The following SLC9C2 variants were observed in gnomAD, a reference collection of about 807,000 sequenced individuals.
SLC9C2 encodes the protein sodium/hydrogen exchanger 11.
In SLC9C2, 75 loss-of-function variants were observed where a neutral mutation model predicts 140.2. The observed-to-expected ratio is 0.53, with a 90% CI of 0.44 to 0.65. The LOEUF (loss-of-function observed/expected upper bound fraction) is 0.65. Among genes scored for constraint, SLC9C2 ranks in the 30% least tolerant of loss-of-function variants. The pLI, the probability that SLC9C2 is intolerant of heterozygous loss-of-function variation, is 0.00. For missense variants in SLC9C2, 1,074 were observed against 1,331.8 expected (o/e 0.81, Z 3.01); for synonymous variants, 375 against 420.9 (o/e 0.89, Z 1.34).
At chr1:173,517,270 C>G (rs1204880112) in intron 23 of SLC9C2, among the ~76,000 whole-genome samples, 1 of 152,164 alleles carries the variant, frequency 6.6e-6, no homozygotes, top group Admixed American at 6.6e-5. Flanking sequence ...TCCTAATCCT[C>G]ATAACATCAA....
At chr1:173,545,226 C>T (rs1037275531) in intron 13 of SLC9C2, among the ~76,000 whole-genome samples, 3 of 152,080 alleles carry the variant, frequency 2.0e-5, no homozygotes, top group Admixed American at 6.5e-5. Context: ...TGAAGTGGGG[C>T]GGACTAAACC....
chr1:173,592,755 C>G (rs778489464), intron 4 of SLC9C2, among the ~76,000 whole-genome samples: 1 of 152,110 alleles, frequency 6.6e-6, no homozygotes, highest in Non-Finnish European at 1.5e-5. Flanking sequence ...AGATTTGGGG[C>G]TGAGATTATG....
At chr1:173,599,758 C>T (rs1323532820) in intron 3 of SLC9C2, among the ~76,000 whole-genome samples, 2 of 152,038 alleles carry the variant, frequency 1.3e-5, no homozygotes, top group Non-Finnish European at 2.9e-5. Flanking sequence ...CATGGGCCAC[C>T]CCTCCTAGCT....
chr1:173,567,616 C>T (rs1664560643), intron 9 of SLC9C2, among the ~76,000 whole-genome samples: 2 of 151,958 alleles, frequency 1.3e-5, no homozygotes, highest in African/African-American at 4.8e-5. Context: ...TTAATTCATC[C>T]ACTCTGTCTT....
At chr1:173,511,789 T>C (rs1250770290) in intron 23 of SLC9C2, among the ~76,000 whole-genome samples, 1 of 152,216 alleles carries the variant, frequency 6.6e-6, no homozygotes, top group African/African-American at 2.4e-5. Flanking sequence ...TTTTGGGTTT[T>C]ACATGTAAGT....
At chr1:173,591,311 A>G (rs1211279100) in intron 4 of SLC9C2, among the ~76,000 whole-genome samples, 1 of 152,108 alleles carries the variant, frequency 6.6e-6, no homozygotes, top group Admixed American at 6.6e-5. Flanking sequence ...TATCTTTGCT[A>G]TTGTGACTAG....
chr1:173,559,794 G>A (rs1489034369), intron 9 of SLC9C2, among the ~76,000 whole-genome samples: 2 of 152,178 alleles, frequency 1.3e-5, no homozygotes, highest in African/African-American at 4.8e-5. Flanking sequence ...AGTAGCCTTA[G>A]GCCCATGTCA....
chr1:173,543,378 T>C (rs1348000628), intron 13 of SLC9C2, among the ~76,000 whole-genome samples: 1 of 152,196 alleles, frequency 6.6e-6, no homozygotes, highest in Non-Finnish European at 1.5e-5. Flanking sequence ...TGGAAGAACA[T>C]TTCATGCTCA....
chr1:173,524,393 T>C (rs1320388713), intron 20 of SLC9C2, among the ~76,000 whole-genome samples: 2 of 152,194 alleles, frequency 1.3e-5, no homozygotes, highest in Non-Finnish European at 2.9e-5. Context: ...CAAAGGAAGA[T>C]GCCATAGAGG....
intron 23 of SLC9C2, among the ~76,000 whole-genome samples, chr1:173,513,793 G>A (rs1459024294): frequency 1.3e-5 from 2 of 149,332 alleles, no homozygotes; most frequent in African/African-American, 2.5e-5. Flanking sequence ...GGCATTTAGT[G>A]CTATAAATTT....
intron 24 of SLC9C2, 110 bp downstream of exon 24, chr1:173,509,458 A>T: frequency 9.0e-7 from 1 of 1,108,280 alleles, no homozygotes; most frequent in Non-Finnish European, 1.2e-6. Flanking sequence ...AAAAAAAAAA[A>T]TCAAACACAA....
At chr1:173,536,711 C>T (rs1275620123) in intron 14 of SLC9C2, among the ~76,000 whole-genome samples, 1 of 152,132 alleles carries the variant, frequency 6.6e-6, no homozygotes, top group Non-Finnish European at 1.5e-5. Context: ...CCAGACTCCC[C>T]TAATGTCACC....
At chr1:173,561,243 TCAAA>T (rs1664082512) in intron 9 of SLC9C2, among the ~76,000 whole-genome samples, 1 of 152,312 alleles carries the variant, frequency 6.6e-6, no homozygotes, top group African/African-American at 2.4e-5. Flanking sequence ...CCTTGAGACT[TCAAA>T]CAGCAAGTCC....
intron 9 of SLC9C2, among the ~76,000 whole-genome samples, chr1:173,567,946 T>TA (rs1664588749): frequency 6.6e-6 from 1 of 152,108 alleles, no homozygotes; most frequent in African/African-American, 2.4e-5. Context: ...AGAAGACTGA[T>TA]AAAAAACGAT....
At chr1:173,595,761 AAT>A (rs1307393935) in intron 4 of SLC9C2, among the ~76,000 whole-genome samples, 2 of 152,194 alleles carry the variant, frequency 1.3e-5, no homozygotes, top group Non-Finnish European at 2.9e-5. Flanking sequence ...AAAAAGTCAA[AAT>A]ATATTTCTTT....
chr1:173,554,374 G>A (rs2102086731), intron 11 of SLC9C2, among the ~76,000 whole-genome samples: 1 of 152,268 alleles, frequency 6.6e-6, no homozygotes, highest in Non-Finnish European at 1.5e-5. Flanking sequence ...GTGGTAGTGA[G>A]CAGGCTTCTA....
chr1:173,532,320 A>T (rs1056980960), intron 17 of SLC9C2, among the ~76,000 whole-genome samples: 2 of 152,264 alleles, frequency 1.3e-5, no homozygotes, highest in Non-Finnish European at 2.9e-5. Flanking sequence ...TGATGTAATA[A>T]GAATTAAACA....
chr1:173,524,672 G>A, intron 20 of SLC9C2, 107 bp downstream of exon 20: 1 of 1,227,468 alleles, frequency 8.1e-7, no homozygotes, highest in South Asian at 1.5e-5. Context: ...TGATTATAGA[G>A]TTAACACCTG....
chr1:173,548,447 AT>A lies in SLC9C2; in HGVS notation c.1402del (p.Ile468PhefsTer2). On this transcript the variant is annotated frameshift_variant, in exon 12 of 28. Transcript: ENST00000367714. LOFTEE classifies it high-confidence loss of function. Reference protein sequence around the residue: ...NTITLFKTEKILTNVNWTLVE... With the variant: ...NTITLFKTEKXLTNVNWTLVE... ...TAAGGTCCAGTTAACATTTGTCAAA[AT>A]TTTTTCTGTTTTAAATAAAGTTATT... is the stretch of plus-strand genomic sequence containing the variant. The A allele has an allele frequency of 1.2e-6, 2 of 1,613,652 alleles. No individual in the cohort carries two copies. The highest frequency in any genetic ancestry group is 1.7e-6 in the Non-Finnish European group (2 of 1,179,774).
Sources: allele counts gnomAD v4.1 joint callset (sites outside exome capture counted in the v4.1 genomes callset), GRCh38; gene constraint gnomAD v4.1.1; transcripts MANE v1.5; gene names NCBI Gene and HGNC (gene_info 2026-07-23, HGNC 2026-07-21).